Variants in RHOD observed in about 807,000 individuals in gnomAD.
RHOD encodes the protein ras homolog family member D.
A neutral mutation model predicts 16.7 loss-of-function variants in RHOD; 11 were observed. The observed-to-expected ratio is 0.66, with a 90% CI of 0.41 to 1.09. The LOEUF (loss-of-function observed/expected upper bound fraction) is 1.09. RHOD is among the 50% of genes least tolerant of loss of function. The probability of loss-of-function intolerance (pLI) is 0.00; values close to 1 mark genes in which losing one functional copy is unlikely to be tolerated. For synonymous variants in RHOD, 124 were observed against 126.3 expected, an observed-to-expected ratio of 0.98 and a Z score of 0.12; for missense variants, 271 against 291.7, an observed-to-expected ratio of 0.93 and a Z score of 0.52.
At position 67,061,739 on chromosome 11, in the gene RHOD, T is replaced by TAA. The variant is rs1218968353; in HGVS notation, c.133-4141_133-4140dup. On this transcript the variant is annotated intron_variant, in intron 1 of 4. Transcript: ENST00000308831. ...GGAGGCGACAGAGCGAGACCCTCTC[T>TAA]AAAAAAAAAAAAAAAAATATATATA... Among the ~76,000 whole-genome samples the TAA allele has an allele frequency of 2.8e-3, 267 of 96,090 alleles. 4 individuals carry two copies. The highest frequency in any genetic ancestry group is 0.013 in the South Asian group (39 of 3,004). 63.0% of individuals were successfully genotyped at this position (96,090 alleles called of 152,430 possible). A position where few individuals can be genotyped will look rare whatever the true frequency, so the allele number is the denominator to read the frequency against.
intron 1 of RHOD, among the ~76,000 whole-genome samples, chr11:67,062,390 G>A (rs1430591067): frequency 6.6e-6 from 1 of 152,224 alleles, no homozygotes; most frequent in African/African-American, 2.4e-5. Context: ...TAGCTACCAG[G>A]TCACACTGCC....
chr11:67,070,653 G>T, intron 4 of RHOD, 94 bp downstream of exon 4: 1 of 1,486,102 alleles, frequency 6.7e-7, no homozygotes, highest in East Asian at 2.3e-5. Context: ...GAACGCTCAG[G>T]GTGTAGGTCA....
intron 1 of RHOD, among the ~76,000 whole-genome samples, chr11:67,058,257 C>T (rs1025985618): frequency 1.3e-5 from 2 of 152,196 alleles, no homozygotes; most frequent in East Asian, 1.9e-4. Context: ...CTCACTGTAA[C>T]CTCTGCCTCC....
At chr11:67,068,102 G>A (rs868605408) in intron 3 of RHOD, among the ~76,000 whole-genome samples, 3 of 152,114 alleles carry the variant, frequency 2.0e-5, no homozygotes, top group South Asian at 2.1e-4. Flanking sequence ...CCCAGCCTGG[G>A]AGGAGTTTTT....
chr11:67,066,843 A>T lies in RHOD; in HGVS notation c.326A>T (p.Asn109Ile), dbSNP rs757765422. The stretch of plus-strand genomic sequence containing the variant: ...CCGAACAGCTTTGACAACATCTTTA[A>T]CCGGGTAGGTACTGGGGGGCAGGGA... ...TSPNSFDNIF[N>I]RWYPEVNHFC... Residue 109 changes from asparagine (N) to isoleucine (I), a missense_variant, in exon 3 of 5, where the codon AAC becomes ATC. By Grantham distance (149) the Asn-to-Ile change is moderately radical (BLOSUM62 -3). Coordinates refer to ENST00000308831, the MANE Select transcript of RHOD (RefSeq NM_014578.4). 6.2e-7 allele frequency: 1 copy of T among 1,608,132 alleles called. No homozygotes were observed. The highest frequency in any genetic ancestry group is 1.1e-5 in the South Asian group (1 of 90,964).
intron 3 of RHOD, among the ~76,000 whole-genome samples, chr11:67,068,416 A>G (rs1854985949): frequency 6.6e-6 from 1 of 152,174 alleles, no homozygotes; most frequent in African/African-American, 2.4e-5. Context: ...TAGGAGAGCC[A>G]GGAGAGTGGG....
rs901005845 is a variant in RHOD at position 67,066,047 on chromosome 11, A to G, written c.220+64A>G. The G allele has an allele frequency of 1.7e-5, 22 of 1,293,208 alleles. No homozygotes were observed. In the South Asian group the frequency reaches 2.7e-4, roughly 16 times the overall value. 80.1% of individuals were successfully genotyped at this position (1,293,208 alleles called of 1,614,324 possible). ...TGTGGGCCCCTGATGCCTGGGACAG[A>G]TTCCGCTCTGCTTCCTTCTGAACCA... On this transcript the variant is annotated intron_variant, in intron 2 of 4. Transcript: ENST00000308831.
At chr11:67,058,467 C>T (rs1054968077) in intron 1 of RHOD, among the ~76,000 whole-genome samples, 14 of 152,198 alleles carry the variant, frequency 9.2e-5, no homozygotes, top group African/African-American at 3.1e-4. Context: ...TGAGCCACCA[C>T]ACCCAGCCAA....
In RHOD at chr11:67,061,984, C is replaced by T. The variant is rs151085330; in HGVS notation, c.133-3912C>T. Among the ~76,000 whole-genome samples, 1,326 of 150,372 alleles carry T rather than the reference C, an allele frequency of 8.8e-3. 10 individuals carry two copies. Among genetic ancestry groups the T allele is most frequent in the Non-Finnish European group, 0.016 (1,052 of 67,576 alleles). On this transcript the variant is annotated intron_variant, in intron 1 of 4. Transcript: ENST00000308831. ...CTACTGCGCTCCAGCCTGACTCCGT[C>T]GAAAAAAAAAAATCTCCCTCACTAT...
chr11:67,063,917 C>G (rs955373469), intron 1 of RHOD, among the ~76,000 whole-genome samples: 2 of 150,008 alleles, frequency 1.3e-5, no homozygotes, highest in African/African-American at 2.5e-5. Context: ...ACCAGCCTGA[C>G]CAACATGGTG....
intron 3 of RHOD, among the ~76,000 whole-genome samples, chr11:67,068,420 G>A (rs1336469049): frequency 6.6e-6 from 1 of 152,198 alleles, no homozygotes; most frequent in African/African-American, 2.4e-5. Context: ...AGAGCCAGGA[G>A]AGTGGGGTCC....
intron 1 of RHOD, among the ~76,000 whole-genome samples, chr11:67,059,497 C>A (rs1259070171): frequency 6.6e-6 from 1 of 151,900 alleles, no homozygotes; most frequent in Non-Finnish European, 1.5e-5. Context: ...GAACCGAGAT[C>A]GCGCCATTGC....
At chr11:67,066,289 T>C (rs531702376) in intron 2 of RHOD, among the ~76,000 whole-genome samples, 50 of 152,342 alleles carry the variant, frequency 3.3e-4, no homozygotes, top group African/African-American at 1.2e-3. Flanking sequence ...AGGATCTGTC[T>C]GTCCGTGGCC....
Position 67,071,743 on chromosome 11 carries a change from G to A in RHOD, c.*141G>A. 2.3e-6 allele frequency: 2 copies of A among 869,880 alleles called. No individual in the cohort carries two copies. Among genetic ancestry groups the A allele is most frequent in the Non-Finnish European group, 3.4e-6 (2 of 586,366 alleles). 53.9% of individuals were successfully genotyped at this position (869,880 alleles called of 1,614,324 possible). On this transcript the variant is annotated 3_prime_UTR_variant, in exon 5 of 5. Coordinates refer to ENST00000308831, the MANE Select transcript of RHOD (RefSeq NM_014578.4). Reference sequence around the variant, plus strand: ...GGCGCCACCAAAGCCAGGCCCTGAGGCCTGGGAGTCCTGGACTGAGAAAGG... The same window carrying A: ...GGCGCCACCAAAGCCAGGCCCTGAGACCTGGGAGTCCTGGACTGAGAAAGG...
rs1855036825 is a variant in RHOD at position 67,071,835 on chromosome 11, C to T, written c.*233C>T. On this transcript the variant is annotated 3_prime_UTR_variant, in exon 5 of 5. Coordinates refer to ENST00000308831, the MANE Select transcript of RHOD (RefSeq NM_014578.4). ...GGTGCCCGAGAATCACTCGCTAACC[C>T]CTATGCCCGGTCCCGGACCGACATC... 1.3e-5 allele frequency: 6 copies of T among 467,520 alleles called. No homozygotes were observed. The South Asian group carries it at 1.7e-4, about 13-fold the overall frequency. 29.0% of individuals were successfully genotyped at this position (467,520 alleles called of 1,614,324 possible). A position where few individuals can be genotyped will look rare whatever the true frequency, so the allele number is the denominator to read the frequency against.
rs546793496 is a variant in RHOD, at chr11:67,057,099, C to A, written c.132+65C>A. 2.3e-4 allele frequency: 313 copies of A among 1,353,194 alleles called. 2 individuals carry two copies. The Middle Eastern group carries it at 2.8e-3, about 12-fold the overall frequency. 83.8% of individuals were successfully genotyped at this position (1,353,194 alleles called of 1,614,324 possible). On this transcript the variant is annotated intron_variant, in intron 1 of 4. Transcript: ENST00000308831. ...CGCGCCCGGGTGTACAGGTCCGTGC[C>A]GGAGCGGCCCAGGCTGTGCGCCTAA... is the stretch of plus-strand genomic sequence containing the variant.
chr11:67,058,788 T>C (rs1854850769), intron 1 of RHOD, among the ~76,000 whole-genome samples: 2 of 152,220 alleles, frequency 1.3e-5, no homozygotes, highest in Non-Finnish European at 2.9e-5. Flanking sequence ...TCTGCTGCAG[T>C]GGCATTGAGC....
intron 3 of RHOD, among the ~76,000 whole-genome samples, chr11:67,068,575 G>A (rs898995087): frequency 5.3e-5 from 8 of 152,170 alleles, no homozygotes; most frequent in African/African-American, 1.9e-4. Flanking sequence ...CACTTTGGGA[G>A]GCTGAGGAGG....
At position 67,071,663 on chromosome 11, in the gene RHOD, G is replaced by A; in HGVS notation, c.*61G>A. 2 of 1,473,654 alleles carry A rather than the reference G, an allele frequency of 1.4e-6. No homozygotes were observed. The highest frequency in any genetic ancestry group is 1.8e-6 in the Non-Finnish European group (2 of 1,102,430). The allele number at this position is 1,473,654 out of a possible 1,614,324, so 91.3% of individuals were successfully genotyped here. A position where few individuals can be genotyped will look rare whatever the true frequency, so the allele number is the denominator to read the frequency against. On this transcript the variant is annotated 3_prime_UTR_variant, in exon 5 of 5. Transcript: ENST00000308831. Reference sequence around the variant, plus strand: ...AGGGCGCTGACCTGCTGCTGAGCTGGCTGGGCTGGACCCGGTCCCTAGGCT... The same window carrying A: ...AGGGCGCTGACCTGCTGCTGAGCTGACTGGGCTGGACCCGGTCCCTAGGCT...
Sources: allele counts gnomAD v4.1 joint callset (sites outside exome capture counted in the v4.1 genomes callset), GRCh38; gene constraint gnomAD v4.1.1; transcripts MANE v1.5; gene names NCBI Gene and HGNC (gene_info 2026-07-23, HGNC 2026-07-21).